TTLL9: variants seen among roughly 807,000 people sequenced by gnomAD.
TTLL9 encodes the protein probable tubulin polyglutamylase TTLL9.
Under a neutral mutation model 65.6 loss-of-function variants are expected in TTLL9, and 47 were observed. That is an observed-to-expected ratio of 0.72 (90% confidence interval 0.57 to 0.91). The LOEUF is 0.91. TTLL9 is among the 40% of genes least tolerant of loss of function. TTLL9 has a pLI of 0.00. For synonymous variants in TTLL9, 179 were observed against 204.8 expected (o/e 0.87, Z 1.07); for missense variants, 537 against 568.8 (o/e 0.94, Z 0.57).
intron 2 of TTLL9, among the ~76,000 whole-genome samples, chr20:31,878,854 A>T (rs1189008269): frequency 1.3e-5 from 2 of 152,204 alleles, no homozygotes; most frequent in Non-Finnish European, 2.9e-5. Context: ...CTATAGATCT[A>T]ATAAGATCTA....
intron 3 of TTLL9, 76 bp from the exon 4 acceptor site, chr20:31,898,397 C>T: frequency 7.6e-7 from 1 of 1,319,414 alleles, no homozygotes; most frequent in Admixed American, 1.7e-5. Context: ...ACTTCTCTTC[C>T]TCCTTTTTTC....
intron 10 of TTLL9, among the ~76,000 whole-genome samples, chr20:31,927,114 CA>C (rs529572999): frequency 0.048 from 6,278 of 131,322 alleles, 164 homozygotes; most frequent in Admixed American, 0.1. Flanking sequence ...GACTGTATGT[CA>C]AAAAAAAAAA....
chr20:31,934,612 G>C, intron 11 of TTLL9, 80 bp from the exon 12 acceptor site: 3 of 1,301,858 alleles, frequency 2.3e-6, no homozygotes, highest in Non-Finnish European at 3.2e-6. Context: ...GAAACACTGA[G>C]AGCAATTGTG....
chr20:31,924,921 G>C (rs977290870), intron 8 of TTLL9, 88 bp from the exon 9 acceptor site: 6 of 1,456,914 alleles, frequency 4.1e-6, no homozygotes, highest in Middle Eastern at 1.7e-4. Context: ...GGGGTTTCCT[G>C]TCTGTCCACT....
chr20:31,942,228 A>G (rs1369998242), intron 14 of TTLL9, among the ~76,000 whole-genome samples: 1 of 152,178 alleles, frequency 6.6e-6, no homozygotes, highest in Non-Finnish European at 1.5e-5. Flanking sequence ...AGTGCCAGCA[A>G]TGTGCCTGGC....
At chr20:31,917,829 A>G (rs1162912098) in intron 6 of TTLL9, among the ~76,000 whole-genome samples, 1 of 152,222 alleles carries the variant, frequency 6.6e-6, no homozygotes, top group East Asian at 1.9e-4. Flanking sequence ...CAAACCTGAG[A>G]GGAACCTTCT....
chr20:31,876,691 C>G (rs1445157867), intron 2 of TTLL9, among the ~76,000 whole-genome samples: 2 of 152,134 alleles, frequency 1.3e-5, no homozygotes, highest in African/African-American at 4.8e-5. Context: ...AGTGGAATAT[C>G]TGGGTTGTAA....
At chr20:31,900,711 A>G (rs1340896571) in intron 4 of TTLL9, among the ~76,000 whole-genome samples, 2 of 152,218 alleles carry the variant, frequency 1.3e-5, no homozygotes, top group African/African-American at 4.8e-5. Flanking sequence ...CCCTGGATCC[A>G]GAGAACGGGT....
chr20:31,873,804 G>T (rs1449655723), intron 2 of TTLL9, among the ~76,000 whole-genome samples: 1 of 73,064 alleles, frequency 1.4e-5, no homozygotes, highest in African/African-American at 5.3e-5. Flanking sequence ...AAGGAAGGAA[G>T]GAAGGAAGGA....
At chr20:31,873,800 G>A (rs1358264624) in intron 2 of TTLL9, among the ~76,000 whole-genome samples, 1 of 88,830 alleles carries the variant, frequency 1.1e-5, no homozygotes, top group Non-Finnish European at 2.2e-5. Flanking sequence ...AAGAAAGGAA[G>A]GAAGGAAGGA....
chr20:31,915,812 G>A (rs953122709), intron 6 of TTLL9, among the ~76,000 whole-genome samples: 1 of 152,062 alleles, frequency 6.6e-6, no homozygotes, highest in African/African-American at 2.4e-5. Flanking sequence ...CTGGCACAGA[G>A]TAAACACCTG....
chr20:31,936,965 G>T (rs1455630651), intron 12 of TTLL9, among the ~76,000 whole-genome samples: 1 of 151,982 alleles, frequency 6.6e-6, no homozygotes, highest in Non-Finnish European at 1.5e-5. Flanking sequence ...GGGCGTGGTG[G>T]CAGGCACCTG....
intron 3 of TTLL9, among the ~76,000 whole-genome samples, chr20:31,895,265 G>C (rs1011311745): frequency 1.3e-5 from 2 of 152,214 alleles, no homozygotes; most frequent in African/African-American, 4.8e-5. Context: ...GGCGAGTTCA[G>C]TAGCAGATTG....
intron 12 of TTLL9, among the ~76,000 whole-genome samples, chr20:31,936,638 G>A (rs1261944743): frequency 4.6e-5 from 7 of 152,012 alleles, no homozygotes; most frequent in East Asian, 1.9e-4. Flanking sequence ...CCTCCCCACC[G>A]CTTCCCACCC....
At chr20:31,931,078 CTTTTTT>C (rs60315473) in intron 10 of TTLL9, among the ~76,000 whole-genome samples, 2 of 125,238 alleles carry the variant, frequency 1.6e-5, no homozygotes, top group African/African-American at 5.9e-5. Flanking sequence ...TCCTCTTTTC[CTTTTTT>C]TTTTTTTTTT....
At chr20:31,873,805 G>A (rs1297243960) in intron 2 of TTLL9, among the ~76,000 whole-genome samples, 2 of 69,794 alleles carry the variant, frequency 2.9e-5, no homozygotes, top group African/African-American at 5.5e-5. Flanking sequence ...AGGAAGGAAG[G>A]AAGGAAGGAA....
intron 8 of TTLL9, among the ~76,000 whole-genome samples, chr20:31,923,509 G>C (rs2063846202): frequency 6.6e-6 from 1 of 152,152 alleles, no homozygotes; most frequent in Admixed American, 6.6e-5. Context: ...GTGACATGGG[G>C]GCCAGGAGGT....
At chr20:31,889,735 A>AT (rs57593267) in intron 3 of TTLL9, among the ~76,000 whole-genome samples, 305 of 143,658 alleles carry the variant, frequency 2.1e-3, no homozygotes, top group East Asian at 5.4e-3. Context: ...AATTTTTTTA[A>AT]TTTTTTTTTT....
intron 4 of TTLL9, among the ~76,000 whole-genome samples, chr20:31,906,822 G>A (rs976157852): frequency 7.9e-5 from 12 of 152,056 alleles, no homozygotes; most frequent in African/African-American, 2.9e-4. Flanking sequence ...CTAATTTTTT[G>A]TGTTTTTGGT....
Sources: allele counts gnomAD v4.1 joint callset (sites outside exome capture counted in the v4.1 genomes callset), GRCh38; gene constraint gnomAD v4.1.1; transcripts MANE v1.5; gene names NCBI Gene and HGNC (gene_info 2026-07-23, HGNC 2026-07-21).